Variants in ADARB2 observed in about 807,000 individuals in gnomAD.
ADARB2 encodes the protein inactive double-stranded RNA-specific editase B2.
In ADARB2, 25 loss-of-function variants were observed where a neutral mutation model predicts 62.2. That is an observed-to-expected ratio of 0.40 (90% CI 0.29 to 0.56). ADARB2 has a LOEUF of 0.56. ADARB2 is among the 20% of genes least tolerant of loss of function. The pLI is 0.43. For synonymous variants in ADARB2, 572 were observed against 500.8 expected, an observed-to-expected ratio of 1.14 and a Z score of -1.90; for missense variants, 1,071 against 1,077.4, an observed-to-expected ratio of 0.99 and a Z score of 0.08.
chr10:1,462,799 A>G (rs947768960), intron 1 of ADARB2, among the ~76,000 whole-genome samples: 3 of 151,272 alleles, frequency 2.0e-5, no homozygotes, highest in African/African-American at 7.3e-5. Flanking sequence ...GTGCATGTGT[A>G]TGTACATGTG....
At chr10:1,583,934 G>A (rs76944666) in intron 1 of ADARB2, among the ~76,000 whole-genome samples, 3,766 of 152,224 alleles carry the variant, frequency 0.025, 105 homozygotes, top group African/African-American at 0.063. Context: ...TTAGACATCC[G>A]CAAGCCAAAA....
chr10:1,454,696 G>A (rs532170330), intron 1 of ADARB2, among the ~76,000 whole-genome samples: 36 of 152,136 alleles, frequency 2.4e-4, no homozygotes, highest in African/African-American at 7.0e-4. Flanking sequence ...TTAATGTTTC[G>A]TGGAGACAGT....
chr10:1,615,381 C>T (rs575400526), intron 1 of ADARB2, among the ~76,000 whole-genome samples: 1 of 152,232 alleles, frequency 6.6e-6, no homozygotes, highest in Admixed American at 6.5e-5. Flanking sequence ...GCTGGGGAGG[C>T]AGCACAGCCC....
rs1019619581 is a variant in ADARB2 at position 1,256,954 on chromosome 10, A to G, written c.1192+14001T>C. The stretch of plus-strand genomic sequence containing the variant: ...GTCTCCTCACTGGCACTAAAACCAG[A>G]AATAATGAGAGCATGAAGCCCGCGC... On this transcript the variant is annotated intron_variant, in intron 4 of 9. Transcript: ENST00000381312. Among the ~76,000 whole-genome samples the G allele has an allele frequency of 6.0e-4, 91 of 152,218 alleles. 1 individual carries two copies. The highest frequency in any genetic ancestry group is 3.5e-4 in the Non-Finnish European group (24 of 68,038).
At chr10:1,525,111 G>C (rs915823520) in intron 1 of ADARB2, among the ~76,000 whole-genome samples, 2 of 152,118 alleles carry the variant, frequency 1.3e-5, no homozygotes, top group Non-Finnish European at 2.9e-5. Context: ...TTCATGCCAG[G>C]AAACCACCCC....
chr10:1,315,507 T>C (rs967615285), intron 3 of ADARB2, among the ~76,000 whole-genome samples: 13 of 152,264 alleles, frequency 8.5e-5, no homozygotes, highest in African/African-American at 2.9e-4. Flanking sequence ...GCTTTAGGTG[T>C]TCTTTTTTAA....
chr10:1,460,522 A>T (rs1171701119), intron 1 of ADARB2, among the ~76,000 whole-genome samples: 1 of 75,258 alleles, frequency 1.3e-5, no homozygotes, highest in Admixed American at 1.3e-4. Flanking sequence ...TTACCTGCGT[A>T]ACGAACCTGC....
rs778371432 is a variant in ADARB2, at chr10:1,704,569, C to A, written c.100+32482G>T. ...TATAGATGAAGCCTTGCTCACTAAC[C>A]TCCTGCTGTGCAGCCCAGCTCCTAA... On this transcript the variant is annotated intron_variant, in intron 1 of 9. Coordinates refer to ENST00000381312, the MANE Select transcript of ADARB2 (RefSeq NM_018702.4). This position sits in a 1 kb window ranked among gnomAD's most constrained non-coding sequence, Gnocchi z 5.6. Among the ~76,000 whole-genome samples the A allele has an allele frequency of 1.3e-5, 2 of 152,166 alleles. No individual in the cohort carries two copies. Among genetic ancestry groups the A allele is most frequent in the Non-Finnish European group, 2.9e-5 (2 of 68,038 alleles).
chr10:1,719,034 C>T (rs1012835165), intron 1 of ADARB2, among the ~76,000 whole-genome samples: 1 of 151,958 alleles, frequency 6.6e-6, no homozygotes, highest in African/African-American at 2.4e-5. Context: ...GATGTCAGCT[C>T]GCTGCAACCT....
At chr10:1,183,425 C>T (rs1405709926) in intron 9 of ADARB2, 56 bp from the exon 10 acceptor site, 4 of 1,586,134 alleles carry the variant, frequency 2.5e-6, no homozygotes, top group Non-Finnish European at 3.4e-6. Context: ...GGAGCTTCTG[C>T]TAGGTGAGTT....
chr10:1,439,493 G>C (rs1830876426), intron 1 of ADARB2, among the ~76,000 whole-genome samples: 2 of 139,308 alleles, frequency 1.4e-5, no homozygotes, highest in Non-Finnish European at 3.1e-5. Flanking sequence ...GGGCTTCTGA[G>C]TCTCTCCCAG....
intron 1 of ADARB2, among the ~76,000 whole-genome samples, chr10:1,729,601 T>G (rs927984488): frequency 1.3e-5 from 2 of 152,240 alleles, no homozygotes; most frequent in Non-Finnish European, 2.9e-5. Flanking sequence ...AGAGGACATT[T>G]TTATACTTCC....
At chr10:1,677,798 T>C (rs1834485830) in intron 1 of ADARB2, among the ~76,000 whole-genome samples, 1 of 152,220 alleles carries the variant, frequency 6.6e-6, no homozygotes, top group Non-Finnish European at 1.5e-5. Context: ...TCGGCAAGGC[T>C]GCTCTGTCTC....
rs573814053 is a variant in ADARB2 at position 1,415,130 on chromosome 10, G to A, written c.101-35970C>T. ...GAATGGATGGGCAGAGGGATGATGGGTAGATGGGTGGATGTATGGTGGATG... is the reference window on the plus strand; with the variant it reads ...GAATGGATGGGCAGAGGGATGATGGATAGATGGGTGGATGTATGGTGGATG... On this transcript the variant is annotated intron_variant, in intron 1 of 9. Transcript: ENST00000381312. Among the ~76,000 whole-genome samples, 20 of 151,872 alleles carry A rather than the reference G, an allele frequency of 1.3e-4. No individual in the cohort carries two copies. The East Asian group carries it at 3.7e-3, about 28-fold the overall frequency.
intron 1 of ADARB2, among the ~76,000 whole-genome samples, chr10:1,471,363 G>A (rs969989704): frequency 2.6e-5 from 4 of 152,128 alleles, no homozygotes; most frequent in Admixed American, 1.3e-4. Flanking sequence ...GTGGGGGGCC[G>A]GGAGTAAAAC....
intron 1 of ADARB2, among the ~76,000 whole-genome samples, chr10:1,555,228 T>A (rs1832682772): frequency 6.6e-6 from 1 of 152,216 alleles, no homozygotes; most frequent in Non-Finnish European, 1.5e-5. Flanking sequence ...TTCGGATATA[T>A]ATCCCAGTAA....
At chr10:1,640,384 G>A (rs759653829) in intron 1 of ADARB2, among the ~76,000 whole-genome samples, 2 of 152,192 alleles carry the variant, frequency 1.3e-5, no homozygotes, top group Non-Finnish European at 2.9e-5. Flanking sequence ...GAAAGAAAGT[G>A]ACAAATAAAC....
intron 7 of ADARB2, among the ~76,000 whole-genome samples, chr10:1,201,582 C>A (rs769526117): frequency 6.6e-6 from 1 of 151,364 alleles, no homozygotes; most frequent in African/African-American, 2.4e-5. Context: ...CACCGAGGAC[C>A]TTCATTCCAC....
At chr10:1,441,375 G>C (rs956028508) in intron 1 of ADARB2, among the ~76,000 whole-genome samples, 2 of 152,216 alleles carry the variant, frequency 1.3e-5, no homozygotes, top group Admixed American at 1.3e-4. Flanking sequence ...CTGAAAGAAA[G>C]AAGAGTTAGT....
Sources: gnomAD v4.1 joint callset for allele counts (sites outside exome capture counted in the v4.1 genomes callset) on GRCh38, gnomAD v4.1.1 for gene constraint, Gnocchi (gnomAD v3.1) non-coding constraint, MANE v1.5 for transcripts, NCBI Gene and HGNC (gene_info 2026-07-23, HGNC 2026-07-21) for gene names.